NEDD4: variants seen among roughly 807,000 people sequenced by gnomAD.
The protein encoded by NEDD4 is E3 ubiquitin-protein ligase NEDD4.
NEDD4 carries 99 observed loss-of-function variants against 144.9 expected under a neutral mutation model. The ratio of observed to expected loss-of-function variants is 0.68; its 90% CI spans 0.58 to 0.81. The LOEUF (loss-of-function observed/expected upper bound fraction) is 0.81, where lower values mean the gene tolerates loss of function less well. Among genes scored for constraint, NEDD4 ranks in the 30% least tolerant of loss-of-function variants. The probability of loss-of-function intolerance (pLI) is 0.00; values close to 1 mark genes in which losing one functional copy is unlikely to be tolerated. For synonymous variants in NEDD4, 318 were observed against 350.6 expected (o/e 0.91, Z 1.04); for missense variants, 985 against 1,065.9 (o/e 0.92, Z 1.06).
intron 5 of NEDD4, among the ~76,000 whole-genome samples, chr15:55,922,459 T>G (rs2036586585): frequency 6.6e-6 from 1 of 152,134 alleles, no homozygotes; most frequent in South Asian, 2.1e-4. Context: ...ACCTCCTGGG[T>G]TCGGGCAAGT....
chr15:55,841,857 C>G (rs1430820754), intron 19 of NEDD4, 77 bp downstream of exon 19: 2 of 1,223,296 alleles, frequency 1.6e-6, no homozygotes, highest in African/African-American at 3.0e-5. Flanking sequence ...AGGCATGAGC[C>G]ACTGCACCCG....
chr15:55,835,852 A>G (rs2141966372), intron 24 of NEDD4, among the ~76,000 whole-genome samples: 2 of 152,302 alleles, frequency 1.3e-5, no homozygotes, highest in East Asian at 3.9e-4. Flanking sequence ...AGAATGATCT[A>G]AAACATAAAT....
At chr15:55,941,983 G>A (rs2037014414) in intron 4 of NEDD4, among the ~76,000 whole-genome samples, 1 of 152,032 alleles carries the variant, frequency 6.6e-6, no homozygotes, top group Admixed American at 6.6e-5. Context: ...TATACACTTG[G>A]GTATTAGCTG....
In NEDD4 at chr15:55,932,328, C is replaced by A. The variant is rs1433580531; in HGVS notation, c.238-7629G>T. ...ACTGGTACCAAAACAGAGATATAGA[C>A]CAATGGAACAGAATAGAGCCCTCGG... is the stretch of plus-strand genomic sequence containing the variant. On this transcript the variant is annotated intron_variant, in intron 4 of 28. Coordinates refer to ENST00000435532, the MANE Select transcript of NEDD4 (RefSeq NM_006154.4). Among the ~76,000 whole-genome samples, 7 of 152,226 alleles carry A rather than the reference C, an allele frequency of 4.6e-5. No homozygotes were observed. The East Asian group carries it at 7.7e-4, about 17-fold the overall frequency.
chr15:55,975,128 G>C (rs1221699850), intron 1 of NEDD4, among the ~76,000 whole-genome samples: 1 of 151,794 alleles, frequency 6.6e-6, no homozygotes, highest in African/African-American at 2.4e-5. Context: ...CCTGACCTCA[G>C]GCAATCCACC....
Position 55,853,256 on chromosome 15 carries a change from TG to T in NEDD4, c.1027-714del, listed in dbSNP as rs1465902570. Among the ~76,000 whole-genome samples the T allele has an allele frequency of 5.9e-5, 9 of 152,046 alleles. No individual in the cohort carries two copies. In the South Asian group the frequency reaches 1.5e-3, roughly 25 times the overall value. On this transcript the variant is annotated intron_variant, in intron 12 of 28. Transcript: ENST00000435532. ...AAGATAAAGTGTACAGTACTTCACTTGGGAAAAAAAACACTAGAACAATAAT... is the reference window on the plus strand; with the variant it reads ...AAGATAAAGTGTACAGTACTTCACTTGGAAAAAAAACACTAGAACAATAAT...
intron 5 of NEDD4, among the ~76,000 whole-genome samples, chr15:55,891,415 C>A (rs959853833): frequency 4.6e-5 from 7 of 152,242 alleles, no homozygotes; most frequent in African/African-American, 1.7e-4. Flanking sequence ...GAAAAGTAAT[C>A]GTTTTAAATT....
chr15:55,973,424 C>T (rs1472488674), intron 1 of NEDD4, among the ~76,000 whole-genome samples: 1 of 152,142 alleles, frequency 6.6e-6, no homozygotes, highest in Admixed American at 6.6e-5. Flanking sequence ...GTGGTACTCC[C>T]AGCTCATCAG....
chr15:55,836,331 GACACACACACACACACACACACAC>G (rs10526731), intron 24 of NEDD4, among the ~76,000 whole-genome samples: 10 of 147,942 alleles, frequency 6.8e-5, no homozygotes, highest in African/African-American at 2.5e-4. Flanking sequence ...AAAAGTATGT[GACACACACACACACACACACACAC>G]ACACACACAC....
At chr15:55,895,336 TCAGCAGACGA>T (rs2035704898) in intron 5 of NEDD4, among the ~76,000 whole-genome samples, 2 of 152,166 alleles carry the variant, frequency 1.3e-5, no homozygotes, top group Non-Finnish European at 2.9e-5. Context: ...AGAAATGAAA[TCAGCAGACGA>T]CTGCTACTGT....
At chr15:55,848,484 C>T in intron 16 of NEDD4, 37 bp downstream of exon 16, 2 of 1,612,714 alleles carry the variant, frequency 1.2e-6, no homozygotes, top group Middle Eastern at 1.7e-4. Context: ...AAATTTATTA[C>T]AAAAAATAAC....
At chr15:55,933,290 T>A (rs201547754) in intron 4 of NEDD4, among the ~76,000 whole-genome samples, 11 of 152,006 alleles carry the variant, frequency 7.2e-5, no homozygotes, top group Non-Finnish European at 1.5e-4. Flanking sequence ...CAAATGTCCA[T>A]CAATGATAGA....
intron 2 of NEDD4, among the ~76,000 whole-genome samples, chr15:55,964,828 G>A (rs1595879252): frequency 1.3e-5 from 2 of 151,960 alleles, no homozygotes; most frequent in East Asian, 3.9e-4. Flanking sequence ...GTCTCGGTTG[G>A]AGGTATTAGG....
intron 1 of NEDD4, among the ~76,000 whole-genome samples, chr15:55,983,687 C>A (rs1315819004): frequency 1.3e-5 from 2 of 151,080 alleles, no homozygotes; most frequent in African/African-American, 4.9e-5. Flanking sequence ...TCTCGGTTCA[C>A]TGCAACCCCC....
intron 5 of NEDD4, among the ~76,000 whole-genome samples, chr15:55,908,029 G>A (rs1347451663): frequency 6.6e-6 from 1 of 152,122 alleles, no homozygotes; most frequent in East Asian, 1.9e-4. Context: ...TCCACGCAAA[G>A]GATGAAGCAT....
At chr15:55,872,662 G>A (rs1434656479) in intron 6 of NEDD4, among the ~76,000 whole-genome samples, 186 bp from the exon 7 acceptor site, 8 of 152,160 alleles carry the variant, frequency 5.3e-5, no homozygotes, top group Non-Finnish European at 8.8e-5. Flanking sequence ...AATTGCAGCC[G>A]ACATCACAAC....
intron 5 of NEDD4, among the ~76,000 whole-genome samples, chr15:55,899,338 C>T (rs1404145714): frequency 1.3e-5 from 2 of 152,130 alleles, no homozygotes; most frequent in Non-Finnish European, 2.9e-5. Flanking sequence ...ACTGATTATT[C>T]TTACAATTTG....
intron 11 of NEDD4, among the ~76,000 whole-genome samples, chr15:55,858,314 T>C (rs1286704545): frequency 6.6e-6 from 1 of 152,018 alleles, no homozygotes; most frequent in African/African-American, 2.4e-5. Context: ...GTTTATTCTT[T>C]TTTTTTTCTT....
chr15:55,857,887 C>T (rs966603098), intron 11 of NEDD4, among the ~76,000 whole-genome samples: 2 of 152,064 alleles, frequency 1.3e-5, no homozygotes, highest in Non-Finnish European at 2.9e-5. Flanking sequence ...TTGCAGTGGG[C>T]TATGATCATG....
Sources: allele counts gnomAD v4.1 joint callset (sites outside exome capture counted in the v4.1 genomes callset), GRCh38; gene constraint gnomAD v4.1.1; transcripts MANE v1.5; gene names NCBI Gene and HGNC (gene_info 2026-07-23, HGNC 2026-07-21).